The following MACROD2 variants were observed in gnomAD, a reference collection of about 807,000 sequenced individuals.
The protein encoded by MACROD2 is ADP-ribose glycohydrolase MACROD2.
In MACROD2, 36 loss-of-function variants were observed where a neutral mutation model predicts 70.4. That is an observed-to-expected ratio of 0.51 (90% CI 0.39 to 0.68). The LOEUF (loss-of-function observed/expected upper bound fraction) is 0.68. Ranked by LOEUF, MACROD2 falls within the 30% of genes least tolerant of loss-of-function variation. The probability of loss-of-function intolerance (pLI) is 0.00; values close to 1 mark genes in which losing one functional copy is unlikely to be tolerated. For synonymous variants in MACROD2, 172 were observed against 178.8 expected (o/e 0.96, Z 0.30); for missense variants, 496 against 538.4 (o/e 0.92, Z 0.78).
At chr20:14,429,899 C>T (rs997843736) in intron 3 of MACROD2, among the ~76,000 whole-genome samples, 1 of 152,158 alleles carries the variant, frequency 6.6e-6, no homozygotes. Context: ...GGATTGTGCT[C>T]CTGTGGCTCA....
At chr20:15,028,566 A>G (rs1038810892) in intron 5 of MACROD2, among the ~76,000 whole-genome samples, 1 of 152,144 alleles carries the variant, frequency 6.6e-6, no homozygotes, top group Non-Finnish European at 1.5e-5. Flanking sequence ...TCCCTCTAAT[A>G]TTAGGCTTCT....
At chr20:14,387,898 C>T (rs1009837688) in intron 3 of MACROD2, among the ~76,000 whole-genome samples, 28 of 152,154 alleles carry the variant, frequency 1.8e-4, no homozygotes, top group African/African-American at 6.3e-4. Flanking sequence ...GACATCAATT[C>T]TTGGAGCTTC....
intron 10 of MACROD2, among the ~76,000 whole-genome samples, chr20:15,920,440 A>G (rs926103455): frequency 2.6e-5 from 4 of 152,220 alleles, no homozygotes; most frequent in South Asian, 2.1e-4. Flanking sequence ...ATTGACTGTT[A>G]TATGCACATT....
rs1294007762 is a variant in MACROD2 at position 15,698,025 on chromosome 20, T to G, written c.646-164720T>G. Among the ~76,000 whole-genome samples the G allele has an allele frequency of 3.3e-5, 5 of 152,362 alleles. No individual in the cohort carries two copies. In the East Asian group the frequency reaches 9.6e-4, roughly 29 times the overall value. On this transcript the variant is annotated intron_variant, in intron 8 of 17. Coordinates refer to ENST00000684519, the MANE Select transcript of MACROD2 (RefSeq NM_001351661.2). ...TTATTCATTCTGCAGTTCTCTGTCT[T>G]TCAAGTGGAGCATTTAGGACATTTA...
intron 3 of MACROD2, among the ~76,000 whole-genome samples, chr20:14,245,500 G>C (rs547101554): frequency 6.6e-6 from 1 of 152,226 alleles, no homozygotes; most frequent in South Asian, 2.1e-4. Flanking sequence ...TGAGTAACTT[G>C]CACAGAGTTG....
chr20:15,532,000 T>C (rs974128082), intron 8 of MACROD2, among the ~76,000 whole-genome samples: 3 of 152,168 alleles, frequency 2.0e-5, no homozygotes, highest in African/African-American at 7.2e-5. Context: ...AACTAACATG[T>C]ATTGAGTACT....
chr20:15,493,558 G>A (rs1433000181), intron 7 of MACROD2, among the ~76,000 whole-genome samples: 2 of 152,138 alleles, frequency 1.3e-5, no homozygotes, highest in Non-Finnish European at 2.9e-5. Flanking sequence ...TATTTTAGTG[G>A]AATATGCTAG....
rs1568838573 is a variant in MACROD2, at chr20:14,861,992, TTTATATATATATTTA to T, written c.418+177035_418+177049del. ...TTATATATAAATATATATATATATA[TTTATATATATATTTA>T]TATATATATATTTATATATATTTAT... is the stretch of plus-strand genomic sequence containing the variant. On this transcript the variant is annotated intron_variant, in intron 5 of 17. Transcript: ENST00000684519. Among the ~76,000 whole-genome samples, 26 of 64,490 alleles carry T rather than the reference TTTATATATATATTTA, an allele frequency of 4.0e-4. 2 individuals carry two copies. Among genetic ancestry groups the T allele is most frequent in the African/African-American group, 1.7e-3 (25 of 14,612 alleles). 42.3% of individuals were successfully genotyped at this position (64,490 alleles called of 152,430 possible). A position where few individuals can be genotyped will look rare whatever the true frequency, so the allele number is the denominator to read the frequency against.
At chr20:14,748,678 T>A (rs2071830879) in intron 5 of MACROD2, among the ~76,000 whole-genome samples, 1 of 152,172 alleles carries the variant, frequency 6.6e-6, no homozygotes, top group Admixed American at 6.5e-5. Context: ...CCTACTTCTA[T>A]GTCAAAATTG....
chr20:14,305,904 T>A (rs2082516794), intron 3 of MACROD2, among the ~76,000 whole-genome samples: 1 of 152,164 alleles, frequency 6.6e-6, no homozygotes, highest in African/African-American at 2.4e-5. Context: ...ATCTTAAGAC[T>A]TTGATCTATT....
intron 8 of MACROD2, among the ~76,000 whole-genome samples, chr20:15,577,462 C>T (rs2048464277): frequency 1.3e-5 from 2 of 152,140 alleles, no homozygotes; most frequent in Non-Finnish European, 2.9e-5. Context: ...AGCTAAAAAA[C>T]ATTAATAACT....
At chr20:15,746,275 T>C (rs2051181377) in intron 8 of MACROD2, among the ~76,000 whole-genome samples, 1 of 152,074 alleles carries the variant, frequency 6.6e-6, no homozygotes, top group Non-Finnish European at 1.5e-5. Flanking sequence ...TTTTTGATAC[T>C]ACTGTAAATA....
At chr20:15,334,781 T>C (rs1365007295) in intron 6 of MACROD2, among the ~76,000 whole-genome samples, 1 of 151,692 alleles carries the variant, frequency 6.6e-6, no homozygotes, top group Admixed American at 6.6e-5. Flanking sequence ...ACACAGCTAG[T>C]AAATAAAACT....
intron 4 of MACROD2, among the ~76,000 whole-genome samples, chr20:14,596,171 C>G (rs1278103792): frequency 6.6e-6 from 1 of 151,526 alleles, no homozygotes; most frequent in Admixed American, 6.6e-5. Flanking sequence ...CTGCAAGCTC[C>G]GCCTCCCGGG....
chr20:15,635,866 G>C (rs1342790344), intron 8 of MACROD2, among the ~76,000 whole-genome samples: 1 of 151,964 alleles, frequency 6.6e-6, no homozygotes, highest in Non-Finnish European at 1.5e-5. Context: ...TCAGGAGTTT[G>C]AGACCAGCCT....
At chr20:15,389,642 C>T (rs1479989850) in intron 6 of MACROD2, among the ~76,000 whole-genome samples, 4 of 152,176 alleles carry the variant, frequency 2.6e-5, no homozygotes, top group African/African-American at 9.7e-5. Flanking sequence ...AGCCTCGTTT[C>T]AGTTTAGATT....
intron 7 of MACROD2, among the ~76,000 whole-genome samples, chr20:15,474,170 G>A (rs1045153325): frequency 6.6e-6 from 1 of 152,188 alleles, no homozygotes; most frequent in Non-Finnish European, 1.5e-5. Context: ...GTAAGAGCTC[G>A]ATATACATTA....
At chr20:15,067,708 A>G (rs966035830) in intron 5 of MACROD2, among the ~76,000 whole-genome samples, 9 of 152,200 alleles carry the variant, frequency 5.9e-5, no homozygotes, top group African/African-American at 2.2e-4. Context: ...TTGTATAAAC[A>G]TGGCATACAC....
chr20:15,670,319 T>C (rs2146835041), intron 8 of MACROD2, among the ~76,000 whole-genome samples: 1 of 152,258 alleles, frequency 6.6e-6, no homozygotes, highest in Middle Eastern at 3.4e-3. Flanking sequence ...AATGCTAGGA[T>C]GGTGTTGTCA....
Sources: gnomAD v4.1 joint callset for allele counts (sites outside exome capture counted in the v4.1 genomes callset) on GRCh38, gnomAD v4.1.1 for gene constraint, MANE v1.5 for transcripts, NCBI Gene and HGNC (gene_info 2026-07-23, HGNC 2026-07-21) for gene names.